CCDC178: variants seen among roughly 807,000 people sequenced by gnomAD.
CCDC178 encodes the protein coiled-coil domain containing 178, also known as coiled-coil domain-containing protein 178.
CCDC178 carries 126 observed loss-of-function variants against 117.4 expected under a neutral mutation model. That is an observed-to-expected ratio of 1.07 (90% CI 0.93 to 1.24). CCDC178 has a LOEUF of 1.24. Ranked by LOEUF, CCDC178 falls within the 50% of genes most tolerant of loss-of-function variation. The probability of loss-of-function intolerance (pLI) is 0.00; values close to 1 mark genes in which losing one functional copy is unlikely to be tolerated. For missense variants in CCDC178, 1,030 were observed against 986.9 expected (o/e 1.04, Z -0.59); for synonymous variants, 283 against 313.4 (o/e 0.90, Z 1.02).
intron 20 of CCDC178, among the ~76,000 whole-genome samples, chr18:33,097,019 A>G (rs147153866): frequency 5.8e-4 from 88 of 152,220 alleles, no homozygotes; most frequent in African/African-American, 2.0e-3. Flanking sequence ...GGCCACAGCA[A>G]TATTTTCAGT....
chr18:33,298,681 A>G (rs1408391169), intron 11 of CCDC178, among the ~76,000 whole-genome samples: 1 of 152,192 alleles, frequency 6.6e-6, no homozygotes, highest in Admixed American at 6.5e-5. Flanking sequence ...TTTGGAAAGT[A>G]GGAAGTCTAA....
Position 33,226,859 on chromosome 18 carries a change from T to C in CCDC178, c.1594-4A>G, listed in dbSNP as rs1209205989. 4 of 1,527,284 alleles carry C rather than the reference T, an allele frequency of 2.6e-6. No homozygotes were observed. The highest frequency in any genetic ancestry group is 1.3e-5 in the South Asian group (1 of 79,012). 94.6% of individuals were successfully genotyped at this position (1,527,284 alleles called of 1,614,324 possible). A position where few individuals can be genotyped will look rare whatever the true frequency, so the allele number is the denominator to read the frequency against. On this transcript the variant is annotated splice_region_variant and splice_polypyrimidine_tract_variant and intron_variant, in intron 15 of 22. Transcript: ENST00000383096. Reference sequence around the variant, plus strand: ...TTTTCAGGAATTCTTCTCTACCCTATATGTTAGGAAATTTTTAAAATGAGG... The same window carrying C: ...TTTTCAGGAATTCTTCTCTACCCTACATGTTAGGAAATTTTTAAAATGAGG...
chr18:33,246,321 C>CA (rs2059547916), intron 14 of CCDC178, among the ~76,000 whole-genome samples: 2 of 151,668 alleles, frequency 1.3e-5, no homozygotes, highest in African/African-American at 4.8e-5. Flanking sequence ...GAATGTGGTT[C>CA]ATTAGATGCA....
intron 19 of CCDC178, among the ~76,000 whole-genome samples, chr18:33,214,614 T>TTTAA (rs2059143859): frequency 1.3e-5 from 2 of 152,188 alleles, no homozygotes; most frequent in Admixed American, 1.3e-4. Context: ...TTAAACAAGG[T>TTTAA]GGATAAATAT....
intron 9 of CCDC178, among the ~76,000 whole-genome samples, chr18:33,340,573 G>C (rs1422909909): frequency 1.3e-5 from 2 of 152,166 alleles, no homozygotes; most frequent in Non-Finnish European, 2.9e-5. Context: ...GGAAGAAAAA[G>C]TGGTTCTGTG....
rs2059096702 is a variant in CCDC178 at position 33,210,714 on chromosome 18, C to T, written c.2238+1182G>A. Reference sequence around the variant, plus strand: ...TAAGCTTCCTCCAATCCATTCGTAGCTCACACATCTGAAACTCAGCCATCG... The same window carrying T: ...TAAGCTTCCTCCAATCCATTCGTAGTTCACACATCTGAAACTCAGCCATCG... On this transcript the variant is annotated intron_variant, in intron 20 of 22. Transcript: ENST00000383096. 2.0e-5 allele frequency among the ~76,000 whole-genome samples: 3 copies of T among 152,106 alleles called. 1 individual carries two copies.
chr18:33,416,010 A>G (rs2063935132), intron 2 of CCDC178, among the ~76,000 whole-genome samples: 1 of 152,202 alleles, frequency 6.6e-6, no homozygotes, highest in Admixed American at 6.5e-5. Context: ...GCCAATGGGT[A>G]TAGACAAAAT....
chr18:32,994,355 GA>G (rs1205067559), intron 21 of CCDC178, among the ~76,000 whole-genome samples: 1 of 152,144 alleles, frequency 6.6e-6, no homozygotes, highest in Non-Finnish European at 1.5e-5. Context: ...ATAATGCAGA[GA>G]CAAAAGTCAA....
intron 21 of CCDC178, among the ~76,000 whole-genome samples, chr18:33,027,302 AAAG>A (rs572178222): frequency 6.6e-6 from 1 of 151,700 alleles, no homozygotes; most frequent in Non-Finnish European, 1.5e-5. Context: ...CCAAGAACTT[AAAG>A]AATGAAAAAG....
At chr18:33,041,143 A>G (rs2056543098) in intron 21 of CCDC178, among the ~76,000 whole-genome samples, 1 of 151,852 alleles carries the variant, frequency 6.6e-6, no homozygotes, top group South Asian at 2.1e-4. Flanking sequence ...ACCCATCAAG[A>G]CACAAAATTT....
intron 20 of CCDC178, among the ~76,000 whole-genome samples, chr18:33,153,823 A>C (rs2058364405): frequency 6.6e-6 from 1 of 151,958 alleles, no homozygotes; most frequent in African/African-American, 2.4e-5. Flanking sequence ...AAAAATGGAA[A>C]ATAATATATC....
intron 20 of CCDC178, among the ~76,000 whole-genome samples, chr18:33,196,373 G>A (rs184630185): frequency 7.0e-4 from 106 of 152,208 alleles, no homozygotes; most frequent in Middle Eastern, 3.4e-3. Context: ...AAGGATGAAC[G>A]GAAGCTCCGT....
chr18:33,422,867 T>C (rs1283921495), intron 2 of CCDC178, among the ~76,000 whole-genome samples: 2 of 152,228 alleles, frequency 1.3e-5, no homozygotes, highest in Non-Finnish European at 2.9e-5. Flanking sequence ...TTTTCTAGCA[T>C]TGGTTCTGTT....
At chr18:33,201,465 G>A (rs902520368) in intron 20 of CCDC178, among the ~76,000 whole-genome samples, 1 of 152,032 alleles carries the variant, frequency 6.6e-6, no homozygotes, top group African/African-American at 2.4e-5. Context: ...CAACACTTTG[G>A]CAATGTTTGG....
rs117216290 is a variant in CCDC178 at position 33,343,010 on chromosome 18, G to A, written c.658+3201C>T. On this transcript the variant is annotated intron_variant, in intron 9 of 22. Transcript: ENST00000383096. ...CACCCTTTCTGTCTCACCCCCTGGG[G>A]TGATTAGCTTTCACCCTTCCCATCA... is the stretch of plus-strand genomic sequence containing the variant. Among the ~76,000 whole-genome samples, 239 of 152,202 alleles carry A rather than the reference G, an allele frequency of 1.6e-3. 2 individuals carry two copies. In the East Asian group the frequency reaches 0.021, roughly 14 times the overall value.
intron 11 of CCDC178, among the ~76,000 whole-genome samples, chr18:33,312,089 T>C (rs2062351823): frequency 6.6e-6 from 1 of 152,106 alleles, no homozygotes; most frequent in Non-Finnish European, 1.5e-5. Flanking sequence ...AAAATATCAA[T>C]TTGTACAAGA....
intron 21 of CCDC178, among the ~76,000 whole-genome samples, chr18:32,985,895 T>A (rs1386606303): frequency 6.6e-6 from 1 of 151,992 alleles, no homozygotes; most frequent in Non-Finnish European, 1.5e-5. Context: ...GATTGTCTCA[T>A]GCAAGGAACA....
chr18:33,093,208 T>C (rs1000794492), intron 20 of CCDC178, among the ~76,000 whole-genome samples: 1 of 152,066 alleles, frequency 6.6e-6, no homozygotes, highest in Non-Finnish European at 1.5e-5. Flanking sequence ...CTTCCCTCTA[T>C]CATGCCTTGA....
intron 21 of CCDC178, among the ~76,000 whole-genome samples, chr18:33,092,060 G>T (rs1261221102): frequency 6.6e-6 from 1 of 152,082 alleles, no homozygotes; most frequent in Non-Finnish European, 1.5e-5. Context: ...GGTTTTCATG[G>T]TTAGGTTAAT....
Sources: allele counts gnomAD v4.1 joint callset (sites outside exome capture counted in the v4.1 genomes callset), GRCh38; gene constraint gnomAD v4.1.1; transcripts MANE v1.5; gene names NCBI Gene and HGNC (gene_info 2026-07-23, HGNC 2026-07-21).